Variants in LGI3 observed in about 807,000 individuals in gnomAD.
The protein encoded by LGI3 is leucine-rich repeat LGI family member 3.
Under a neutral mutation model 55.4 loss-of-function variants are expected in LGI3, and 47 were observed. That is an observed-to-expected ratio of 0.85 (90% CI 0.67 to 1.08). LGI3 has a LOEUF of 1.08. Among genes scored for constraint, LGI3 ranks in the 50% least tolerant of loss-of-function variants. The pLI is 0.00. For missense variants in LGI3, 664 were observed against 726.3 expected (o/e 0.91, Z 0.99); for synonymous variants, 326 against 315.0 (o/e 1.04, Z -0.37).
chr8:22,152,665 C>T (rs903483009), intron 5 of LGI3, among the ~76,000 whole-genome samples: 3 of 146,362 alleles, frequency 2.0e-5, no homozygotes, highest in African/African-American at 5.0e-5. Flanking sequence ...CGCTTGAACC[C>T]GGGAGGCAGA....
chr8:22,146,857 G>A lies in LGI3; in HGVS notation c.*1303C>T, dbSNP rs1827306332. ...ATGGGGCGGGAACTTTTTATTTGAAGCAAGTTAATCATAGCATTGCCCCCC... is the reference window on the plus strand; with the variant it reads ...ATGGGGCGGGAACTTTTTATTTGAAACAAGTTAATCATAGCATTGCCCCCC... On this transcript the variant is annotated 3_prime_UTR_variant, in exon 8 of 8. Transcript: ENST00000306317. The A allele has an allele frequency of 6.6e-6, 1 of 152,284 alleles. No homozygotes were observed. The highest frequency in any genetic ancestry group is 6.5e-5 in the Admixed American group (1 of 15,288). The allele number at this position is 152,284 out of a possible 1,614,324, so 9.4% of individuals were successfully genotyped here.
In LGI3 at chr8:22,148,458, C is replaced by A. The variant is rs144291859; in HGVS notation, c.1349G>T (p.Arg450Leu). Residue 450 changes from arginine (R) to leucine (L), a missense_variant, in exon 8 of 8, where the codon CGC (arginine) becomes CTC (leucine). Arg to Leu is a moderately radical substitution (Grantham distance 102). Coordinates refer to ENST00000306317, the MANE Select transcript of LGI3 (RefSeq NM_139278.4). The surrounding 1 kb of genome is among the most constrained non-coding windows in gnomAD (Gnocchi z 7.0). ...CTCCGAGAAGCGGGTACCCTCCCAG[C>A]GCAGGATCTTGGAGTCGCCAATGTA... ...SRYIGDSKILRWEGTRFSEVQ... is the reference protein window; with the variant it reads ...SRYIGDSKILLWEGTRFSEVQ... 1.9e-6 allele frequency: 3 copies of A among 1,612,386 alleles called. No individual in the cohort carries two copies. Among genetic ancestry groups the A allele is most frequent in the South Asian group, 2.2e-5 (2 of 91,046 alleles).
Position 22,154,184 on chromosome 8 carries a change from A to T in LGI3, c.380T>A (p.Leu127Gln). ...GAGTCCTCGGAAGGTGAACTTGGATAGTGCCCAGATGTCATTGTTCTCAAT... is the reference window on the plus strand; with the variant it reads ...GAGTCCTCGGAAGGTGAACTTGGATTGTGCCCAGATGTCATTGTTCTCAAT... The part of the protein sequence containing the change: ...LFIENNDIWA[L>Q]SKFTFRGLKS... The change falls in exon 4 of 8, where the codon CTA becomes CAA. Residue 127 changes from leucine (L) to glutamine (Q), a missense_variant. Coordinates refer to ENST00000306317, the MANE Select transcript of LGI3 (RefSeq NM_139278.4). 1 of 1,614,110 alleles carries T rather than the reference A, an allele frequency of 6.2e-7. No individual in the cohort carries two copies. Among genetic ancestry groups the T allele is most frequent in the South Asian group, 1.1e-5 (1 of 91,082 alleles).
In LGI3 at chr8:22,156,401, C is replaced by G; in HGVS notation, c.142G>C (p.Asp48His). Residue 48 changes from aspartate to histidine, a missense_variant, in exon 1 of 8, where the codon GAC (aspartate) becomes CAC (histidine). Physicochemically the swap from Asp to His is moderately conservative, Grantham distance 81 (BLOSUM62 -1). Transcript: ENST00000306317. ...TTTGAGTCCACGCAGAAGGCGGTGT[C>G]CCTGGTGCAAGAGCAGCTGGGCGGG... is the stretch of plus-strand genomic sequence containing the variant. ...PCPPSCSCTR[D>H]TAFCVDSKAV... 2 of 1,601,470 alleles carry G rather than the reference C, an allele frequency of 1.2e-6. No homozygotes were observed. Among genetic ancestry groups the G allele is most frequent in the Non-Finnish European group, 1.7e-6 (2 of 1,175,380 alleles).
At chr8:22,151,738 C>G (rs1033810281) in intron 6 of LGI3, 85 bp from the exon 7 acceptor site, 50 of 1,574,118 alleles carry the variant, frequency 3.2e-5, no homozygotes, top group Non-Finnish European at 4.1e-5. Flanking sequence ...ACTGCTGCCG[C>G]TGGGTGTTGT....
intron 3 of LGI3, 82 bp from the exon 4 acceptor site, chr8:22,154,295 T>C: frequency 8.6e-7 from 1 of 1,168,406 alleles, no homozygotes; most frequent in Non-Finnish European, 1.3e-6. Flanking sequence ...CCAGCCTAGA[T>C]TTCAGCCCGT....
chr8:22,154,260 C>T, intron 3 of LGI3, 47 bp from the exon 4 acceptor site: 9 of 1,479,748 alleles, frequency 6.1e-6, no homozygotes, highest in African/African-American at 1.4e-5. Flanking sequence ...GGATGCCAGA[C>T]CCCCAGCAGC....
chr8:22,155,212 C>T, intron 2 of LGI3, 180 bp downstream of exon 2: 2 of 639,566 alleles, frequency 3.1e-6, no homozygotes, highest in Non-Finnish European at 5.6e-6. Flanking sequence ...GCTGCCCCGA[C>T]TCCCCTGACT....
intron 5 of LGI3, among the ~76,000 whole-genome samples, chr8:22,152,898 A>C (rs1749466610): frequency 1.3e-5 from 2 of 151,404 alleles, no homozygotes; most frequent in Non-Finnish European, 2.9e-5. Context: ...TAAAAATATA[A>C]AATTAGCCAG....
chr8:22,154,704 G>T, intron 2 of LGI3, 73 bp from the exon 3 acceptor site: 2 of 1,176,774 alleles, frequency 1.7e-6, no homozygotes, highest in African/African-American at 1.5e-5. Flanking sequence ...CGCTGCCTCA[G>T]CCCTGGGCTT....
At chr8:22,153,642 G>C (rs1326554058) in intron 5 of LGI3, among the ~76,000 whole-genome samples, 1 of 151,778 alleles carries the variant, frequency 6.6e-6, no homozygotes, top group Non-Finnish European at 1.5e-5. Flanking sequence ...GAGAGGTGGA[G>C]GTTGCAGTGA....
chr8:22,150,261 G>GT (rs1827360148), intron 7 of LGI3, among the ~76,000 whole-genome samples: 2 of 149,262 alleles, frequency 1.3e-5, no homozygotes, highest in Non-Finnish European at 1.5e-5. Flanking sequence ...TTTTGTTTTT[G>GT]TTTTTTTCTT....
At chr8:22,152,665 CG>C (rs1477774180) in intron 5 of LGI3, among the ~76,000 whole-genome samples, 1 of 146,274 alleles carries the variant, frequency 6.8e-6, no homozygotes, top group Non-Finnish European at 1.5e-5. Context: ...CGCTTGAACC[CG>C]GGAGGCAGAG....
At chr8:22,154,281 C>G in intron 3 of LGI3, 68 bp from the exon 4 acceptor site, 1 of 1,293,366 alleles carries the variant, frequency 7.7e-7, no homozygotes, top group Non-Finnish European at 1.1e-6. Flanking sequence ...ACTCGCCCTA[C>G]GCCCCAGCCT....
intron 5 of LGI3, 49 bp downstream of exon 5, chr8:22,153,919 G>A (rs1334971904): frequency 6.3e-7 from 1 of 1,578,540 alleles, no homozygotes; most frequent in East Asian, 2.2e-5. Context: ...CTCCCTCCAG[G>A]GATGCGCCCT....
Position 22,151,983 on chromosome 8 carries a change from G to A in LGI3, c.512C>T (p.Ser171Leu), listed in dbSNP as rs374479882. 68 of 1,604,670 alleles carry A rather than the reference G, an allele frequency of 4.2e-5. No individual in the cohort carries two copies. In the African/African-American group the frequency reaches 8.3e-4, roughly 20 times the overall value. ...ILNDLDLRGN[S>L]LNCDCKVKWL... is the part of the protein sequence containing the mutation. ...CTTCACCTTGCAGTCACAGTTGAGTGAGTTGCCCCGCAGGTCCCTGCATCA... is the reference window on the plus strand; with the variant it reads ...CTTCACCTTGCAGTCACAGTTGAGTAAGTTGCCCCGCAGGTCCCTGCATCA... Residue 171 changes from serine to leucine, a missense_variant, in exon 6 of 8, where the codon TCA becomes TTA. Ser to Leu is a moderately radical substitution (Grantham distance 145, BLOSUM62 -2). Coordinates refer to ENST00000306317, the MANE Select transcript of LGI3 (RefSeq NM_139278.4).
In LGI3 at chr8:22,154,597, C is replaced by G. The variant is rs1266781062; in HGVS notation, c.313G>C (p.Asp105His). Reference protein sequence around the residue: ...LNSNKFTLIGDNAFTGLSHLQ... With the variant: ...LNSNKFTLIGHNAFTGLSHLQ... ...TGCGACAGTCCTGTGAAGGCGTTGT[C>G]TCCAATCAGTGTAAACTTGTTGGAG... The change falls in exon 3 of 8, where the codon GAC becomes CAC. Residue 105 changes from aspartate (D) to histidine (H), a missense_variant. Transcript: ENST00000306317. 1 of 1,613,920 alleles carries G rather than the reference C, an allele frequency of 6.2e-7. No individual in the cohort carries two copies. The highest frequency in any genetic ancestry group is 8.5e-7 in the Non-Finnish European group (1 of 1,179,942).
At chr8:22,150,108 C>G (rs1827358107) in intron 7 of LGI3, among the ~76,000 whole-genome samples, 1 of 152,198 alleles carries the variant, frequency 6.6e-6, no homozygotes, top group African/African-American at 2.4e-5. Flanking sequence ...CTTCCCTGAT[C>G]AGTCCCCAAG....
At position 22,148,242 on chromosome 8, in the gene LGI3, C is replaced by T. The variant is rs1827330918; in HGVS notation, c.1565G>A (p.Gly522Glu). The T allele has an allele frequency of 6.2e-7, 1 of 1,614,084 alleles. No homozygotes were observed. Among genetic ancestry groups the T allele is most frequent in the South Asian group, 1.1e-5 (1 of 91,080 alleles). The change falls in exon 8 of 8, where the codon GGG becomes GAG. Residue 522 changes from glycine (G) to glutamate (E), a missense_variant. By Grantham distance (98) the Gly-to-Glu change is moderately conservative. Transcript: ENST00000306317. This position sits in a 1 kb window ranked among gnomAD's most constrained non-coding sequence, Gnocchi z 7.0. ...APRAFCYMPA[G>E]DAQLLLAPSF... ...GGGGGCCAGGAGTAGCTGGGCGTCC[C>T]CAGCAGGCATGTAGCAGAAGGCCCG...
Sources: gnomAD v4.1 joint callset for allele counts (sites outside exome capture counted in the v4.1 genomes callset) on GRCh38, gnomAD v4.1.1 for gene constraint, Gnocchi (gnomAD v3.1) non-coding constraint, MANE v1.5 for transcripts, NCBI Gene and HGNC (gene_info 2026-07-23, HGNC 2026-07-21) for gene names.